Variants in CCDC85C observed in about 807,000 individuals in gnomAD.
CCDC85C encodes the protein coiled-coil domain containing 85C, also known as coiled-coil domain-containing protein 85C.
CCDC85C carries 18 observed loss-of-function variants against 38.3 expected under a neutral mutation model. That is an observed-to-expected ratio of 0.47 (90% CI 0.33 to 0.70). The LOEUF is 0.70. CCDC85C is among the 30% of genes least tolerant of loss of function. CCDC85C has a pLI of 0.03. For missense variants in CCDC85C, 566 were observed against 621.2 expected, an observed-to-expected ratio of 0.91 and a Z score of 0.94; for synonymous variants, 264 against 293.8, an observed-to-expected ratio of 0.90 and a Z score of 1.04.
intron 1 of CCDC85C, among the ~76,000 whole-genome samples, chr14:99,564,523 G>C (rs1412343820): frequency 6.6e-6 from 1 of 152,212 alleles, no homozygotes; most frequent in African/African-American, 2.4e-5. Context: ...TATCTGTCCT[G>C]GGCGCCAGCA....
chr14:99,520,263 C>A lies in CCDC85C; in HGVS notation c.975+1870G>T, dbSNP rs990869934. Among the ~76,000 whole-genome samples the A allele has an allele frequency of 3.9e-5, 6 of 152,244 alleles. No homozygotes were observed. The highest frequency in any genetic ancestry group is 1.4e-4 in the African/African-American group (6 of 41,544). On this transcript the variant is annotated intron_variant, in intron 3 of 5. Transcript: ENST00000380243. The surrounding 1 kb of genome is among the most constrained non-coding windows in gnomAD (Gnocchi z 4.1). ...CGGAGACGGCCCTCTCTGGATAACC[C>A]CCTCACTCTCCCCGGGGGTCCAAGT...
chr14:99,543,586 A>G (rs1897753433), intron 1 of CCDC85C, among the ~76,000 whole-genome samples: 2 of 152,162 alleles, frequency 1.3e-5, no homozygotes, highest in East Asian at 3.9e-4. Flanking sequence ...ACTGAAGAGC[A>G]AGCAGGACTC....
Position 99,507,720 on chromosome 14 carries a change from C to G in CCDC85C, c.*7526G>C, listed in dbSNP as rs1268951896. The G allele has an allele frequency of 6.5e-6, 1 of 154,330 alleles. No individual in the cohort carries two copies. Among genetic ancestry groups the G allele is most frequent in the African/African-American group, 2.4e-5 (1 of 41,462 alleles). 9.6% of individuals were successfully genotyped at this position (154,330 alleles called of 1,614,324 possible). A position where few individuals can be genotyped will look rare whatever the true frequency, so the allele number is the denominator to read the frequency against. On this transcript the variant is annotated 3_prime_UTR_variant, in exon 6 of 6. Transcript: ENST00000380243. ...CAAACCCCGCCTTCTGAGATAGAGG[C>G]AGGGTTACTGTGGCTACTAGGCTCC...
Position 99,500,986 on chromosome 14 carries a change from C to G in CCDC85C, c.*14260G>C. 3 of 698,376 alleles carry G rather than the reference C, an allele frequency of 4.3e-6. No individual in the cohort carries two copies. The South Asian group carries it at 5.1e-5, about 12-fold the overall frequency. The allele number at this position is 698,376 out of a possible 1,614,324, so 43.3% of individuals were successfully genotyped here. Reference sequence around the variant, plus strand: ...AAAACAAAGTTTGATGTGTGAAATACCAAGGGCATGGCTTGCTCAGTCAAT... The same window carrying G: ...AAAACAAAGTTTGATGTGTGAAATAGCAAGGGCATGGCTTGCTCAGTCAAT... On this transcript the variant is annotated 3_prime_UTR_variant, in exon 6 of 6. Transcript: ENST00000380243.
chr14:99,514,695 G>A lies in CCDC85C; in HGVS notation c.*551C>T, dbSNP rs1328690373. 1 of 153,954 alleles carries A rather than the reference G, an allele frequency of 6.5e-6. No homozygotes were observed. Among genetic ancestry groups the A allele is most frequent in the Non-Finnish European group, 1.4e-5 (1 of 69,176 alleles). 9.5% of individuals were successfully genotyped at this position (153,954 alleles called of 1,614,324 possible). A position where few individuals can be genotyped will look rare whatever the true frequency, so the allele number is the denominator to read the frequency against. ...AGGGTCACAGGAAGGGCCCAGGGCAGCCTCCAGCCAGCCACAGATGTGGTG... is the reference window on the plus strand; with the variant it reads ...AGGGTCACAGGAAGGGCCCAGGGCAACCTCCAGCCAGCCACAGATGTGGTG... On this transcript the variant is annotated 3_prime_UTR_variant, in exon 6 of 6. Transcript: ENST00000380243.
At chr14:99,526,842 A>G (rs1331523748) in intron 2 of CCDC85C, among the ~76,000 whole-genome samples, 2 of 152,162 alleles carry the variant, frequency 1.3e-5, no homozygotes, top group African/African-American at 2.4e-5. Context: ...CTGGAAGCAG[A>G]GGCTCGAATG....
At chr14:99,542,343 G>A (rs553984851) in intron 1 of CCDC85C, among the ~76,000 whole-genome samples, 1 of 152,362 alleles carries the variant, frequency 6.6e-6, no homozygotes, top group Admixed American at 6.5e-5. Flanking sequence ...TTAAGCCAGT[G>A]CTCTTGGTAC....
rs1033659281 is a variant in CCDC85C at position 99,507,673 on chromosome 14, A to C, written c.*7573T>G. On this transcript the variant is annotated 3_prime_UTR_variant, in exon 6 of 6. Coordinates refer to ENST00000380243, the MANE Select transcript of CCDC85C (RefSeq NM_001144995.2). ...AATGCTAAACTACACATTGTATTAG[A>C]ATCAGTTTTAGGAAAGAAAGCCAAA... 1.3e-5 allele frequency: 2 copies of C among 155,204 alleles called. No individual in the cohort carries two copies. Among genetic ancestry groups the C allele is most frequent in the Non-Finnish European group, 2.9e-5 (2 of 69,940 alleles). The allele number at this position is 155,204 out of a possible 1,614,324, so 9.6% of individuals were successfully genotyped here. A position where few individuals can be genotyped will look rare whatever the true frequency, so the allele number is the denominator to read the frequency against.
intron 1 of CCDC85C, among the ~76,000 whole-genome samples, chr14:99,538,959 GACAGGTGGCCACAC>G (rs1433584118): frequency 6.6e-6 from 1 of 152,176 alleles, no homozygotes; most frequent in Non-Finnish European, 1.5e-5. Context: ...TGTAGGCACA[GACAGGTGGCCACAC>G]ACCCACGGCC....
At position 99,502,164 on chromosome 14, in the gene CCDC85C, A is replaced by G. The variant is rs1896847015; in HGVS notation, c.*13082T>C. On this transcript the variant is annotated 3_prime_UTR_variant, in exon 6 of 6. Coordinates refer to ENST00000380243, the MANE Select transcript of CCDC85C (RefSeq NM_001144995.2). ...TCCATGCACTGGTTTAATCATAAAT[A>G]TTAGATCATATTATCTAACCTTTTT... The G allele has an allele frequency of 1.3e-6, 2 of 1,527,612 alleles. No individual in the cohort carries two copies. The highest frequency in any genetic ancestry group is 2.4e-5 in the East Asian group (1 of 40,824). 94.6% of individuals were successfully genotyped at this position (1,527,612 alleles called of 1,614,324 possible).
At chr14:99,580,112 G>C (rs768373619) in intron 1 of CCDC85C, 9 of 455,682 alleles carry the variant, frequency 2.0e-5, no homozygotes, top group Middle Eastern at 6.5e-4. Context: ...GGTCAGCAAA[G>C]TGGCTGGAGC....
chr14:99,510,173 C>T lies in CCDC85C; in HGVS notation c.*5073G>A, dbSNP rs1396974445. 5.6e-6 allele frequency: 9 copies of T among 1,597,740 alleles called. No homozygotes were observed. The highest frequency in any genetic ancestry group is 1.3e-5 in the African/African-American group (1 of 74,784). On this transcript the variant is annotated 3_prime_UTR_variant, in exon 6 of 6. Coordinates refer to ENST00000380243, the MANE Select transcript of CCDC85C (RefSeq NM_001144995.2). ...CTCCTGCAGACCGGAAGCCTCCCCT[C>T]GCTGCTGCCTTAGGTGAGGCTGAGC...
chr14:99,522,557 C>G (rs1309732333), intron 2 of CCDC85C: 4 of 225,290 alleles, frequency 1.8e-5, no homozygotes, highest in Non-Finnish European at 2.7e-5. Flanking sequence ...CTCTCCCACC[C>G]CGTGACTCAC....
In CCDC85C at chr14:99,516,007, G is replaced by A. The variant is rs911708032; in HGVS notation, c.1170+181C>T. Among the ~76,000 whole-genome samples the A allele has an allele frequency of 6.6e-6, 1 of 152,158 alleles. No homozygotes were observed. The highest frequency in any genetic ancestry group is 1.5e-5 in the Non-Finnish European group (1 of 68,016). Reference sequence around the variant, plus strand: ...CTCTGGGAAGGGCAGGGGGCAGCGAGATGACAACGGGCCAGGGCTCCTAGC... The same window carrying A: ...CTCTGGGAAGGGCAGGGGGCAGCGAAATGACAACGGGCCAGGGCTCCTAGC... On this transcript the variant is annotated intron_variant, in intron 5 of 5. Coordinates refer to ENST00000380243, the MANE Select transcript of CCDC85C (RefSeq NM_001144995.2). This position sits in a 1 kb window ranked among gnomAD's most constrained non-coding sequence, Gnocchi z 5.5.
At chr14:99,551,256 G>T (rs1483017521) in intron 1 of CCDC85C, among the ~76,000 whole-genome samples, 2 of 152,184 alleles carry the variant, frequency 1.3e-5, no homozygotes, top group Non-Finnish European at 2.9e-5. Flanking sequence ...TGGCCACCAA[G>T]TTCACACCAC....
Position 99,512,020 on chromosome 14 carries a change from T to C in CCDC85C, c.*3226A>G, listed in dbSNP as rs1056367248. On this transcript the variant is annotated 3_prime_UTR_variant, in exon 6 of 6. Coordinates refer to ENST00000380243, the MANE Select transcript of CCDC85C (RefSeq NM_001144995.2). ...TGCCACCCACGACAGAAACAAGCAC[T>C]GAGCACCCAGCCAGGAGGCTCACAA... is the stretch of plus-strand genomic sequence containing the variant. The C allele has an allele frequency of 2.6e-5, 4 of 152,282 alleles. No individual in the cohort carries two copies. Among genetic ancestry groups the C allele is most frequent in the African/African-American group, 9.6e-5 (4 of 41,468 alleles). 9.4% of individuals were successfully genotyped at this position (152,282 alleles called of 1,614,324 possible). A position where few individuals can be genotyped will look rare whatever the true frequency, so the allele number is the denominator to read the frequency against.
intron 1 of CCDC85C, among the ~76,000 whole-genome samples, chr14:99,554,793 T>C (rs2139941985): frequency 6.6e-6 from 1 of 152,250 alleles, no homozygotes; most frequent in South Asian, 2.1e-4. Flanking sequence ...CCACAGTGAG[T>C]GGAGTAGAGT....
chr14:99,600,361 T>C (rs1017224884), intron 1 of CCDC85C, among the ~76,000 whole-genome samples: 2 of 152,170 alleles, frequency 1.3e-5, no homozygotes, highest in African/African-American at 2.4e-5. Flanking sequence ...ATGGAGGAGC[T>C]GAGATTCAAA....
intron 1 of CCDC85C, among the ~76,000 whole-genome samples, chr14:99,543,019 A>G (rs78123785): frequency 0.019 from 2,885 of 152,340 alleles, 97 homozygotes; most frequent in African/African-American, 0.066. Context: ...ACCAAAGGAC[A>G]GAAATTCTTG....
Sources: gnomAD v4.1 joint callset for allele counts (sites outside exome capture counted in the v4.1 genomes callset) on GRCh38, gnomAD v4.1.1 for gene constraint, Gnocchi (gnomAD v3.1) non-coding constraint, MANE v1.5 for transcripts, NCBI Gene and HGNC (gene_info 2026-07-23, HGNC 2026-07-21) for gene names.